Variants in SIPA1L2 observed in about 807,000 individuals in gnomAD.
SIPA1L2 encodes signal-induced proliferation-associated 1-like protein 2.
SIPA1L2 carries 56 observed loss-of-function variants against 163.9 expected under a neutral mutation model. That is an observed-to-expected ratio of 0.34 (90% CI 0.28 to 0.43). SIPA1L2 has a LOEUF of 0.43. Among genes scored for constraint, SIPA1L2 ranks in the 20% least tolerant of loss-of-function variants. SIPA1L2 has a pLI of 1.00. For missense variants in SIPA1L2, 1,974 were observed against 2,193.5 expected (o/e 0.90, Z 2.00); for synonymous variants, 877 against 865.7 (o/e 1.01, Z -0.23).
intron 1 of SIPA1L2, among the ~76,000 whole-genome samples, chr1:232,600,308 A>AT (rs11462236): frequency 0.57 from 87,407 of 152,074 alleles, 26,253 homozygotes; most frequent in East Asian, 0.75. Flanking sequence ...GAAAACAAGA[A>AT]TTTAAAAATC....
At chr1:232,451,197 G>A (rs749322742) in intron 10 of SIPA1L2, among the ~76,000 whole-genome samples, 3 of 152,144 alleles carry the variant, frequency 2.0e-5, no homozygotes, top group Non-Finnish European at 2.9e-5. Flanking sequence ...CCATATATAT[G>A]AGAAATTCCT....
intron 2 of SIPA1L2, among the ~76,000 whole-genome samples, chr1:232,524,511 A>G (rs946247009): frequency 6.6e-6 from 1 of 152,216 alleles, no homozygotes; most frequent in Non-Finnish European, 1.5e-5. Context: ...CTACATCTGA[A>G]AAATCTACCC....
chr1:232,465,032 G>T lies in SIPA1L2; in HGVS notation c.2628C>A (p.Ile876=), dbSNP rs775489425. 6.2e-7 allele frequency: 1 copy of T among 1,614,178 alleles called. No individual in the cohort carries two copies. Among genetic ancestry groups the T allele is most frequent in the Non-Finnish European group, 8.5e-7 (1 of 1,180,026 alleles). The part of the protein sequence containing the change: ...QSADIECLLG[I]SNEFIMLIEK... ...CAATCAACATGATGAACTCATTGGAGATCCCGAGAAGACATTCAATGTCAG... is the reference window on the plus strand; with the variant it reads ...CAATCAACATGATGAACTCATTGGATATCCCGAGAAGACATTCAATGTCAG... Residue 876 remains isoleucine (I), a synonymous_variant, in exon 9 of 23, where the codon ATC becomes ATA. Transcript: ENST00000674635. The surrounding 1 kb of genome is among the most constrained non-coding windows in gnomAD (Gnocchi z 4.1).
At chr1:232,488,116 C>G (rs1665742282) in intron 5 of SIPA1L2, among the ~76,000 whole-genome samples, 1 of 152,068 alleles carries the variant, frequency 6.6e-6, no homozygotes, top group African/African-American at 2.4e-5. Context: ...TCACACCTGG[C>G]TAATTTTTGT....
chr1:232,523,248 A>C (rs957386861), intron 2 of SIPA1L2, among the ~76,000 whole-genome samples: 39 of 152,228 alleles, frequency 2.6e-4, no homozygotes, highest in African/African-American at 9.2e-4. Context: ...TAAATAGATA[A>C]TTTTGATCAT....
intron 2 of SIPA1L2, among the ~76,000 whole-genome samples, chr1:232,517,350 C>T (rs2103051830): frequency 6.6e-6 from 1 of 152,260 alleles, no homozygotes; most frequent in South Asian, 2.1e-4. Flanking sequence ...CATGCTCAGA[C>T]TAGAGGCACA....
intron 3 of SIPA1L2, among the ~76,000 whole-genome samples, chr1:232,499,519 A>G (rs1666359074): frequency 6.6e-6 from 1 of 152,250 alleles, no homozygotes; most frequent in Admixed American, 6.5e-5. Flanking sequence ...GAGGTGAGGA[A>G]GGTGCAGAAG....
Position 232,514,200 on chromosome 1 carries a change from A to G in SIPA1L2, c.1140T>C (p.Pro380=). The change falls in exon 3 of 23, where the codon CCT becomes CCC. Residue 380 remains proline (P), a synonymous_variant. Coordinates refer to ENST00000674635, the MANE Select transcript of SIPA1L2 (RefSeq NM_020808.5). ...PTGQTGNCES[P]LGSKEDLNSK... is the part of the protein sequence containing the mutation. ...AGTTGAGGTCCTCCTTGCTCCCTAAAGGGGACTCACAGTTGCCTGTCTGGC... is the reference window on the plus strand; with the variant it reads ...AGTTGAGGTCCTCCTTGCTCCCTAAGGGGGACTCACAGTTGCCTGTCTGGC... The G allele has an allele frequency of 1.2e-6, 2 of 1,614,192 alleles. No homozygotes were observed. The highest frequency in any genetic ancestry group is 1.7e-6 in the Non-Finnish European group (2 of 1,180,024).
chr1:232,418,159 C>T (rs1166423382), intron 18 of SIPA1L2, among the ~76,000 whole-genome samples: 1 of 152,140 alleles, frequency 6.6e-6, no homozygotes, highest in Non-Finnish European at 1.5e-5. Flanking sequence ...TACTTTTCCC[C>T]CTAAGACCAC....
intron 3 of SIPA1L2, 114 bp downstream of exon 3, chr1:232,513,743 G>A: frequency 8.9e-7 from 1 of 1,121,640 alleles, no homozygotes; most frequent in Non-Finnish European, 1.3e-6. Flanking sequence ...AGGCCCAGTG[G>A]ACTATGGCCT....
intron 2 of SIPA1L2, among the ~76,000 whole-genome samples, chr1:232,541,217 T>C (rs945621411): frequency 2.7e-5 from 4 of 150,372 alleles, no homozygotes; most frequent in African/African-American, 9.7e-5. Context: ...GTAACACACC[T>C]GCACATGTAT....
intron 5 of SIPA1L2, among the ~76,000 whole-genome samples, chr1:232,487,458 C>G (rs901223185): frequency 6.6e-6 from 1 of 152,010 alleles, no homozygotes; most frequent in African/African-American, 2.4e-5. Context: ...GGTGAGAGGA[C>G]AAGAGGGGAA....
In SIPA1L2 at chr1:232,514,582, C is replaced by T. The variant is rs757336849; in HGVS notation, c.758G>A (p.Gly253Glu). Residue 253 changes from glycine to glutamate, a missense_variant, in exon 3 of 23, where the codon GGA (glycine) becomes GAA (glutamate). Gly to Glu is a moderately conservative substitution (Grantham distance 98). This residue lies in a region of SIPA1L2 where 607 missense variants were observed against 624.0 expected (regional missense o/e 0.97). Coordinates refer to ENST00000674635, the MANE Select transcript of SIPA1L2 (RefSeq NM_020808.5). Reference protein sequence around the residue: ...SLHAAAQISRGEFVRISGLDY... With the variant: ...SLHAAAQISREEFVRISGLDY... ...TAATCCTGAGATGCGGACAAATTCTCCCCTAGAAATCTGTGCTGCTGCATG... is the reference window on the plus strand; with the variant it reads ...TAATCCTGAGATGCGGACAAATTCTTCCCTAGAAATCTGTGCTGCTGCATG... 8 of 1,614,190 alleles carry T rather than the reference C, an allele frequency of 5.0e-6. No individual in the cohort carries two copies. The highest frequency in any genetic ancestry group is 1.6e-4 in the Middle Eastern group (1 of 6,062).
In SIPA1L2 at chr1:232,514,366, C is replaced by G; in HGVS notation, c.974G>C (p.Cys325Ser). The G allele has an allele frequency of 1.2e-6, 2 of 1,613,650 alleles. No individual in the cohort carries two copies. The highest frequency in any genetic ancestry group is 2.7e-5 in the African/African-American group (2 of 75,076). ...RLERGIRPWN[C>S]QRCFAHYDVQ... ...ATCATAATGTGCAAAACATCGCTGA[C>G]AATTCCAAGGGCGAATGCCCCTCTC... Residue 325 changes from cysteine to serine, a missense_variant, in exon 3 of 23, where the codon TGT becomes TCT. Around this residue, in one of 3 missense-constraint regions of SIPA1L2, gnomAD observed 607 missense variants for 624.0 expected, o/e 0.97. Transcript: ENST00000674635.
At chr1:232,490,789 C>T (rs1665886752) in intron 5 of SIPA1L2, 85 bp downstream of exon 5, 1 of 1,365,662 alleles carries the variant, frequency 7.3e-7, no homozygotes, top group African/African-American at 1.5e-5. Flanking sequence ...AATGATCTTA[C>T]AAGAAAGATG....
intron 1 of SIPA1L2, among the ~76,000 whole-genome samples, chr1:232,623,122 C>T (rs974498571): frequency 4.6e-5 from 7 of 152,338 alleles, no homozygotes; most frequent in Admixed American, 2.6e-4. Flanking sequence ...GGGCTCCCTG[C>T]TGTCTCTCCT....
chr1:232,414,407 C>T (rs769383684), intron 19 of SIPA1L2, among the ~76,000 whole-genome samples: 27 of 152,074 alleles, frequency 1.8e-4, no homozygotes, highest in Non-Finnish European at 3.5e-4. Context: ...CTCAACCTTC[C>T]GCATTTTGAC....
At position 232,421,659 on chromosome 1, in the gene SIPA1L2, T is replaced by C. The variant is rs368022933; in HGVS notation, c.4630+3930A>G. On this transcript the variant is annotated intron_variant, in intron 18 of 22. Coordinates refer to ENST00000674635, the MANE Select transcript of SIPA1L2 (RefSeq NM_020808.5). ...CAAAGATTCTTCCTCTGGTGGTTGG[T>C]AGTCCTTATCATCTACAACACAAAA... Among the ~76,000 whole-genome samples, 138 of 152,306 alleles carry C rather than the reference T, an allele frequency of 9.1e-4. 2 individuals carry two copies. Among genetic ancestry groups the C allele is most frequent in the South Asian group, 6.4e-3 (31 of 4,816 alleles).
intron 19 of SIPA1L2, among the ~76,000 whole-genome samples, chr1:232,406,470 AAC>A (rs1419405862): frequency 6.6e-6 from 1 of 152,270 alleles, no homozygotes. Context: ...TTTAACACTA[AAC>A]AAGATGAATA....
Sources: gnomAD v4.1 joint callset for allele counts (sites outside exome capture counted in the v4.1 genomes callset) on GRCh38, gnomAD v4.1.1 for gene constraint, gnomAD v4.1.1 regional missense constraint, Gnocchi (gnomAD v3.1) non-coding constraint, MANE v1.5 for transcripts, NCBI Gene and HGNC (gene_info 2026-07-23, HGNC 2026-07-21) for gene names.